FAM135B: variants seen among roughly 807,000 people sequenced by gnomAD.
The protein encoded by FAM135B is family with sequence similarity 135 member B.
FAM135B carries 43 observed loss-of-function variants against 127.7 expected under a neutral mutation model. The observed-to-expected ratio is 0.34, with a 90% CI of 0.26 to 0.43. The LOEUF is 0.43. FAM135B is among the 20% of genes least tolerant of loss of function. FAM135B has a pLI of 1.00. For missense variants in FAM135B, 1,558 were observed against 1,725.6 expected, an observed-to-expected ratio of 0.90 and a Z score of 1.72; for synonymous variants, 670 against 665.1, an observed-to-expected ratio of 1.01 and a Z score of -0.11.
intron 1 of FAM135B, among the ~76,000 whole-genome samples, chr8:138,377,657 T>C (rs1042257005): frequency 6.6e-5 from 10 of 152,186 alleles, no homozygotes; most frequent in Admixed American, 4.6e-4. Context: ...CAATGAAATT[T>C]CAATGAGTTT....
At chr8:138,407,479 G>T (rs1833587704) in intron 1 of FAM135B, among the ~76,000 whole-genome samples, 1 of 152,166 alleles carries the variant, frequency 6.6e-6, no homozygotes. Flanking sequence ...AACAAAGCCG[G>T]AGGCATCACG....
At chr8:138,399,477 C>T (rs1158097457) in intron 1 of FAM135B, among the ~76,000 whole-genome samples, 1 of 152,088 alleles carries the variant, frequency 6.6e-6, no homozygotes, top group African/African-American at 2.4e-5. Flanking sequence ...AGAAGCGAGG[C>T]ATTTTTTAGG....
intron 11 of FAM135B, among the ~76,000 whole-genome samples, chr8:138,174,687 A>G (rs1340362342): frequency 3.3e-5 from 5 of 152,182 alleles, no homozygotes; most frequent in Non-Finnish European, 1.5e-5. Flanking sequence ...CACTCAGAGG[A>G]TAAACATTAC....
At chr8:138,444,315 C>T (rs1313086970) in intron 1 of FAM135B, among the ~76,000 whole-genome samples, 10 of 152,150 alleles carry the variant, frequency 6.6e-5, no homozygotes, top group Admixed American at 2.0e-4. Flanking sequence ...TAGACATCTA[C>T]AGAACTCTCC....
intron 5 of FAM135B, among the ~76,000 whole-genome samples, chr8:138,253,819 G>A (rs4909766): frequency 0.31 from 46,444 of 152,096 alleles, 7,970 homozygotes; most frequent in East Asian, 0.62. Flanking sequence ...AAAGAGGCCA[G>A]ATGATTTGGT....
At chr8:138,158,468 G>T (rs914534650) in intron 12 of FAM135B, among the ~76,000 whole-genome samples, 2 of 152,174 alleles carry the variant, frequency 1.3e-5, no homozygotes, top group Non-Finnish European at 2.9e-5. Flanking sequence ...AAGAGCTTCT[G>T]CACAGCAAAA....
intron 1 of FAM135B, among the ~76,000 whole-genome samples, chr8:138,416,457 AT>A (rs1216316726): frequency 1.3e-5 from 2 of 152,184 alleles, no homozygotes; most frequent in East Asian, 3.9e-4. Context: ...ATATAATAAT[AT>A]GCATAATCAT....
chr8:138,190,817 C>G (rs1009954852), intron 9 of FAM135B, among the ~76,000 whole-genome samples: 1 of 152,176 alleles, frequency 6.6e-6, no homozygotes, highest in East Asian at 1.9e-4. Flanking sequence ...TTTAGATAAC[C>G]TCTTTCAACC....
chr8:138,236,909 A>G (rs2130290525), intron 7 of FAM135B, among the ~76,000 whole-genome samples: 1 of 152,322 alleles, frequency 6.6e-6, no homozygotes, highest in Admixed American at 6.5e-5. Flanking sequence ...CCTAGCACAC[A>G]GTAGGGGCTA....
Position 138,323,866 on chromosome 8 carries a change from C to T in FAM135B, c.78-12946G>A, listed in dbSNP as rs186362811. Among the ~76,000 whole-genome samples the T allele has an allele frequency of 1.8e-4, 27 of 152,234 alleles. No individual in the cohort carries two copies. In the East Asian group the frequency reaches 3.1e-3, roughly 17 times the overall value. On this transcript the variant is annotated intron_variant, in intron 2 of 19. Transcript: ENST00000395297. ...TTAAAAGGTAAGAATCTAGGTTGGA[C>T]TTTTGTGTAGAAGTAAAGCAGATAT...
intron 2 of FAM135B, among the ~76,000 whole-genome samples, chr8:138,356,878 GT>G (rs1830125029): frequency 6.6e-6 from 1 of 152,072 alleles, no homozygotes; most frequent in South Asian, 2.1e-4. Flanking sequence ...ATACCATGAA[GT>G]TTCTTAATCT....
At chr8:138,419,195 C>A (rs1268549033) in intron 1 of FAM135B, among the ~76,000 whole-genome samples, 1 of 152,032 alleles carries the variant, frequency 6.6e-6, no homozygotes, top group South Asian at 2.1e-4. Context: ...CAGAAAAGAG[C>A]AGAGGTTGCT....
chr8:138,207,415 G>T (rs1188068106), intron 7 of FAM135B, among the ~76,000 whole-genome samples: 2 of 151,856 alleles, frequency 1.3e-5, no homozygotes, highest in Non-Finnish European at 2.9e-5. Flanking sequence ...TCATCATGTT[G>T]GTCAGGCTGG....
At chr8:138,305,513 A>C (rs1587024319) in intron 3 of FAM135B, among the ~76,000 whole-genome samples, 2 of 152,360 alleles carry the variant, frequency 1.3e-5, no homozygotes, top group African/African-American at 4.8e-5. Flanking sequence ...CATACCAATT[A>C]TTTGTAACCC....
intron 7 of FAM135B, among the ~76,000 whole-genome samples, chr8:138,219,480 G>A (rs535551947): frequency 1.3e-5 from 2 of 152,282 alleles, no homozygotes; most frequent in East Asian, 3.9e-4. Flanking sequence ...CAGAACCCCA[G>A]TGAATTAAGG....
At chr8:138,390,030 C>A (rs1052420751) in intron 1 of FAM135B, among the ~76,000 whole-genome samples, 1 of 152,166 alleles carries the variant, frequency 6.6e-6, no homozygotes, top group Non-Finnish European at 1.5e-5. Context: ...CCTGCAAACA[C>A]CCATTAGAAC....
In FAM135B at chr8:138,151,942, T is replaced by G. The variant is rs114885489; in HGVS notation, c.2533A>C (p.Ile845Leu). The change falls in exon 13 of 20, where the codon ATA (isoleucine) becomes CTA (leucine). Residue 845 changes from isoleucine to leucine, a missense_variant. Coordinates refer to ENST00000395297, the MANE Select transcript of FAM135B (RefSeq NM_015912.4). ...DADNQQGPGY[I>L]DIPKGKGKQF... ...TTCCCTTTCCCTTTGGGGATGTCTA[T>G]GTATCCGGGGCCCTGCTGGTTGTCA... 144 of 1,614,192 alleles carry G rather than the reference T, an allele frequency of 8.9e-5. 3 individuals are homozygous for G. In the South Asian group the frequency reaches 1.4e-3, roughly 16 times the overall value.
intron 7 of FAM135B, among the ~76,000 whole-genome samples, chr8:138,204,285 T>C (rs924046354): frequency 5.3e-5 from 8 of 152,224 alleles, no homozygotes; most frequent in Admixed American, 5.2e-4. Context: ...ATCACCAAGA[T>C]GCAGGTCAAA....
chr8:138,263,297 G>A (rs756736105), intron 4 of FAM135B, among the ~76,000 whole-genome samples: 7 of 152,182 alleles, frequency 4.6e-5, no homozygotes, highest in African/African-American at 9.6e-5. Context: ...GCACACCGCC[G>A]GACACAGCCA....
Sources: gnomAD v4.1 joint callset for allele counts (sites outside exome capture counted in the v4.1 genomes callset) on GRCh38, gnomAD v4.1.1 for gene constraint, MANE v1.5 for transcripts, NCBI Gene and HGNC (gene_info 2026-07-23, HGNC 2026-07-21) for gene names.